ABLIM3: variants seen among roughly 807,000 people sequenced by gnomAD.
The protein encoded by ABLIM3 is actin-binding LIM protein 3.
In ABLIM3, 61 loss-of-function variants were observed where a neutral mutation model predicts 109.5. The ratio of observed to expected loss-of-function variants is 0.56; its 90% confidence interval spans 0.45 to 0.69. ABLIM3 has a LOEUF of 0.69. ABLIM3 is among the 30% of genes least tolerant of loss of function. The pLI is 0.00. For missense variants in ABLIM3, 796 were observed against 889.5 expected (o/e 0.89, Z 1.34); for synonymous variants, 300 against 324.8 (o/e 0.92, Z 0.82).
At chr5:149,236,909 C>T (rs974798136) in intron 10 of ABLIM3, among the ~76,000 whole-genome samples, 2 of 152,200 alleles carry the variant, frequency 1.3e-5, no homozygotes, top group African/African-American at 2.4e-5. Context: ...GGACTTGGTA[C>T]AGAGCCTGGC....
rs759188635 is a variant in ABLIM3, at chr5:149,244,923, T to C, written c.1394T>C (p.Ile465Thr). Residue 465 changes from isoleucine to threonine, a missense_variant, in exon 16 of 24, where the codon ATC becomes ACC. By Grantham distance (89) the Ile-to-Thr change is moderately conservative. Transcript: ENST00000309868. ...ACCAAGAGCAAAACAAGTGAAGACA[T>C]CAGCCAGACCTCCAAGTACAGTCCC... ...TATKSKTSEDISQTSKYSPIY... is the reference protein window; with the variant it reads ...TATKSKTSEDTSQTSKYSPIY... 6.2e-7 allele frequency: 1 copy of C among 1,614,144 alleles called. No homozygotes were observed. The highest frequency in any genetic ancestry group is 8.5e-7 in the Non-Finnish European group (1 of 1,180,042).
At chr5:149,197,621 A>C (rs1274680320) in intron 3 of ABLIM3, among the ~76,000 whole-genome samples, 1 of 152,148 alleles carries the variant, frequency 6.6e-6, no homozygotes, top group Non-Finnish European at 1.5e-5. Context: ...TCCCATTGCC[A>C]TCCGAAGGTG....
intron 8 of ABLIM3, among the ~76,000 whole-genome samples, chr5:149,227,702 T>G (rs1320003672): frequency 1.3e-5 from 2 of 152,174 alleles, no homozygotes; most frequent in Non-Finnish European, 2.9e-5. Context: ...GGTCACAGTT[T>G]GACACACCCC....
chr5:149,201,732 G>T (rs977780933), intron 5 of ABLIM3, among the ~76,000 whole-genome samples: 1 of 152,174 alleles, frequency 6.6e-6, no homozygotes, highest in African/African-American at 2.4e-5. Context: ...ATCATCCAGA[G>T]TGACAGAAAA....
chr5:149,202,470 A>G (rs1758585292), intron 5 of ABLIM3, among the ~76,000 whole-genome samples: 1 of 152,236 alleles, frequency 6.6e-6, no homozygotes, highest in Non-Finnish European at 1.5e-5. Context: ...AAAGGTGGTC[A>G]CTATTCATGC....
intron 2 of ABLIM3, among the ~76,000 whole-genome samples, chr5:149,179,072 G>A (rs1049993268): frequency 6.6e-6 from 1 of 152,150 alleles, no homozygotes; most frequent in African/African-American, 2.4e-5. Flanking sequence ...CAACTCCCAT[G>A]CTCCTTTTCA....
chr5:149,212,769 G>A (rs915661680), intron 7 of ABLIM3, among the ~76,000 whole-genome samples: 1 of 152,172 alleles, frequency 6.6e-6, no homozygotes, highest in Non-Finnish European at 1.5e-5. Context: ...GAAACATGGC[G>A]AGTACCATTT....
chr5:149,211,854 C>T (rs1368109484), intron 7 of ABLIM3, among the ~76,000 whole-genome samples: 1 of 151,902 alleles, frequency 6.6e-6, no homozygotes, highest in Non-Finnish European at 1.5e-5. Context: ...TGAGCTTGAC[C>T]CATTCAAAGA....
At chr5:149,232,063 T>TG (rs1397176897) in intron 9 of ABLIM3, among the ~76,000 whole-genome samples, 2 of 152,198 alleles carry the variant, frequency 1.3e-5, no homozygotes, top group Non-Finnish European at 2.9e-5. Flanking sequence ...CCCAACACTT[T>TG]GGGAGGCCAA....
intron 2 of ABLIM3, among the ~76,000 whole-genome samples, chr5:149,143,727 C>T (rs1329679028): frequency 1.3e-5 from 2 of 152,122 alleles, no homozygotes; most frequent in African/African-American, 4.8e-5. Flanking sequence ...TTTTGACAGG[C>T]TGGAATGGTG....
At chr5:149,249,571 A>G (rs931782373) in intron 18 of ABLIM3, among the ~76,000 whole-genome samples, 4 of 152,160 alleles carry the variant, frequency 2.6e-5, no homozygotes, top group African/African-American at 9.7e-5. Flanking sequence ...ACATCTGTGC[A>G]ACAAATATCA....
chr5:149,249,754 T>C lies in ABLIM3; in HGVS notation c.1700-61T>C, dbSNP rs1452431083. 10 of 1,604,546 alleles carry C rather than the reference T, an allele frequency of 6.2e-6. No homozygotes were observed. In the East Asian group the frequency reaches 1.8e-4, roughly 29 times the overall value. The stretch of plus-strand genomic sequence containing the variant: ...AGCCACATCTCTTTGTCCCCATGAA[T>C]TGTCTTCACCATGTTTGTCTTTCCT... On this transcript the variant is annotated intron_variant, in intron 18 of 23. Transcript: ENST00000309868.
At chr5:149,143,220 A>G (rs887648261) in intron 2 of ABLIM3, among the ~76,000 whole-genome samples, 4 of 151,850 alleles carry the variant, frequency 2.6e-5, no homozygotes, top group Non-Finnish European at 5.9e-5. Flanking sequence ...AAAATTAGCC[A>G]GGTGTGGTGG....
rs1055552355 is a variant in ABLIM3, at chr5:149,200,234, A to G, written c.336-82A>G. The G allele has an allele frequency of 9.1e-6, 11 of 1,211,714 alleles. No individual in the cohort carries two copies. In the African/African-American group the frequency reaches 1.6e-4, roughly 18 times the overall value. 75.1% of individuals were successfully genotyped at this position (1,211,714 alleles called of 1,614,324 possible). A position where few individuals can be genotyped will look rare whatever the true frequency, so the allele number is the denominator to read the frequency against. The stretch of plus-strand genomic sequence containing the variant: ...AGAAGTCAAGCTGTATGTGTTACCA[A>G]AGTGCTTTGAGCACATGTGTGGTCA... On this transcript the variant is annotated intron_variant, in intron 4 of 23. Coordinates refer to ENST00000309868, the MANE Select transcript of ABLIM3 (RefSeq NM_014945.5).
chr5:149,220,472 C>G (rs1760530767), intron 8 of ABLIM3: 1 of 152,146 alleles, frequency 6.6e-6, no homozygotes, highest in Non-Finnish European at 1.5e-5. Context: ...GCAGGGCATT[C>G]AAGGACCTGC....
At chr5:149,199,427 AG>A (rs1173715281) in intron 4 of ABLIM3, among the ~76,000 whole-genome samples, 3 of 152,218 alleles carry the variant, frequency 2.0e-5, no homozygotes, top group Non-Finnish European at 4.4e-5. Context: ...TCATCTACCC[AG>A]CTCTTAAAAC....
At chr5:149,231,750 G>A (rs980816911) in intron 9 of ABLIM3, among the ~76,000 whole-genome samples, 8 of 152,016 alleles carry the variant, frequency 5.3e-5, no homozygotes, top group Admixed American at 2.0e-4. Context: ...TTCAGTCATC[G>A]TCTACAACCC....
chr5:149,212,906 C>T (rs1269668467), intron 7 of ABLIM3, among the ~76,000 whole-genome samples: 2 of 152,150 alleles, frequency 1.3e-5, no homozygotes, highest in Admixed American at 6.5e-5. Flanking sequence ...AGGGTGATCA[C>T]TTGAGTCCAG....
chr5:149,215,453 G>C (rs1759974599), intron 7 of ABLIM3, among the ~76,000 whole-genome samples: 1 of 150,244 alleles, frequency 6.7e-6, no homozygotes, highest in South Asian at 2.1e-4. Flanking sequence ...TTCTTGCTAA[G>C]TTTTTAGAAT....
Sources: allele counts gnomAD v4.1 joint callset (sites outside exome capture counted in the v4.1 genomes callset), GRCh38; gene constraint gnomAD v4.1.1; transcripts MANE v1.5; gene names NCBI Gene and HGNC (gene_info 2026-07-23, HGNC 2026-07-21).